Variants in ASCC3 observed in about 807,000 individuals in gnomAD.
The protein encoded by ASCC3 is activating signal cointegrator 1 complex subunit 3, also known as ASC-1 complex subunit P200.
Under a neutral mutation model 256.3 loss-of-function variants are expected in ASCC3, and 158 were observed. That is an observed-to-expected ratio of 0.62 (90% CI 0.54 to 0.70). The LOEUF (loss-of-function observed/expected upper bound fraction) is 0.70. ASCC3 is among the 30% of genes least tolerant of loss of function. The pLI is 0.00. For synonymous variants in ASCC3, 948 were observed against 883.4 expected, an observed-to-expected ratio of 1.07 and a Z score of -1.30; for missense variants, 2,259 against 2,626.0, an observed-to-expected ratio of 0.86 and a Z score of 3.05.
intron 4 of ASCC3, among the ~76,000 whole-genome samples, chr6:100,838,249 A>G (rs1346531004): frequency 6.6e-6 from 1 of 152,052 alleles, no homozygotes; most frequent in Non-Finnish European, 1.5e-5. Flanking sequence ...TTGAAAACTA[A>G]TAATATGAAG....
chr6:100,530,194 A>G (rs1221802929), intron 37 of ASCC3: 1 of 676,194 alleles, frequency 1.5e-6, no homozygotes, highest in African/African-American at 1.8e-5. Flanking sequence ...AATTAACATC[A>G]TTTTTCTTGT....
intron 10 of ASCC3, among the ~76,000 whole-genome samples, chr6:100,754,731 C>T (rs545695323): frequency 5.5e-4 from 84 of 152,250 alleles, no homozygotes; most frequent in South Asian, 1.7e-3. Flanking sequence ...TGTGTCACCA[C>T]CCAAATCTTA....
Position 100,696,740 on chromosome 6 carries a change from A to C in ASCC3, c.2152-16988T>G, listed in dbSNP as rs1222407998. Among the ~76,000 whole-genome samples the C allele has an allele frequency of 6.6e-5, 10 of 152,192 alleles. No homozygotes were observed. The East Asian group carries it at 1.7e-3, about 26-fold the overall frequency. The stretch of plus-strand genomic sequence containing the variant: ...TAAACAACAATAAATTAATTCAAAT[A>C]AATAGTATAAAATAAACATGTATAC... On this transcript the variant is annotated intron_variant, in intron 13 of 41. Coordinates refer to ENST00000369162, the MANE Select transcript of ASCC3 (RefSeq NM_006828.4).
chr6:100,572,732 C>G (rs1319443621), intron 36 of ASCC3, among the ~76,000 whole-genome samples: 1 of 151,980 alleles, frequency 6.6e-6, no homozygotes, highest in Non-Finnish European at 1.5e-5. Flanking sequence ...TCTGTGTTAA[C>G]ATAGTTGTTG....
rs769237704 is a variant in ASCC3, at chr6:100,629,137, A to C, written c.4253T>G (p.Ile1418Ser). The part of the protein sequence containing the change: ...TGDVTPDMKS[I>S]AKADLIVTTP... ...AGTGACGATAAGGTCAGCCTTGGCAATGGATTTCATATCAGGAGTCACATC... is the reference window on the plus strand; with the variant it reads ...AGTGACGATAAGGTCAGCCTTGGCACTGGATTTCATATCAGGAGTCACATC... The change falls in exon 27 of 42, where the codon ATT becomes AGT. Residue 1418 changes from isoleucine to serine, a missense_variant. This residue lies in a region of ASCC3 where 1,839 missense variants were observed against 2,206.7 expected (regional missense o/e 0.83). Coordinates refer to ENST00000369162, the MANE Select transcript of ASCC3 (RefSeq NM_006828.4). The C allele has an allele frequency of 6.8e-6, 11 of 1,613,786 alleles. No individual in the cohort carries two copies. The South Asian group carries it at 1.2e-4, about 18-fold the overall frequency.
chr6:100,746,491 A>G (rs570229591), intron 10 of ASCC3, among the ~76,000 whole-genome samples: 41 of 152,292 alleles, frequency 2.7e-4, no homozygotes, highest in African/African-American at 9.6e-4. Context: ...ATTTTTTCCT[A>G]CTTTCTAAAA....
chr6:100,816,401 C>T (rs1417301906), intron 4 of ASCC3, among the ~76,000 whole-genome samples: 4 of 152,010 alleles, frequency 2.6e-5, no homozygotes, highest in African/African-American at 9.7e-5. Flanking sequence ...AGCAATTCTA[C>T]TACTGGGTAT....
chr6:100,729,560 T>G (rs1779802924), intron 10 of ASCC3, among the ~76,000 whole-genome samples: 1 of 152,180 alleles, frequency 6.6e-6, no homozygotes, highest in Non-Finnish European at 1.5e-5. Flanking sequence ...ATATCTGGCT[T>G]AAGACACAAA....
At chr6:100,568,806 C>T (rs1039033283) in intron 36 of ASCC3, among the ~76,000 whole-genome samples, 24 of 149,914 alleles carry the variant, frequency 1.6e-4, no homozygotes, top group Admixed American at 1.3e-3. Flanking sequence ...GAGACAGAGT[C>T]TCCCTCTGTC....
At chr6:100,817,351 A>G (rs1770803226) in intron 4 of ASCC3, among the ~76,000 whole-genome samples, 2 of 151,740 alleles carry the variant, frequency 1.3e-5, no homozygotes, top group Admixed American at 1.3e-4. Context: ...CCAATAACCT[A>G]TCAACCTTAA....
At chr6:100,542,120 C>T (rs1157323482) in intron 36 of ASCC3, among the ~76,000 whole-genome samples, 1 of 152,098 alleles carries the variant, frequency 6.6e-6, no homozygotes, top group East Asian at 1.9e-4. Context: ...AAGATATAGT[C>T]ACTGGAAAAG....
chr6:100,605,759 T>C, intron 32 of ASCC3, 59 bp from the exon 33 acceptor site: 1 of 1,550,106 alleles, frequency 6.5e-7, no homozygotes, highest in Non-Finnish European at 8.9e-7. Context: ...AAGGTATATT[T>C]ACTGATTATG....
At position 100,631,133 on chromosome 6, in the gene ASCC3, A is replaced by G. The variant is rs1179566469; in HGVS notation, c.4203T>C (p.Gly1401=). The part of the protein sequence containing the change: ...DWKVRIEEKL[G]KKVIELTGDV... ...GAGTAAAAGTAAGAACTTACTTTTT[A>G]CCAAGTTTTTCTTCTATTCTAACTT... The change falls in exon 26 of 42, where the codon GGT becomes GGC. Residue 1401 remains glycine, a synonymous_variant. Transcript: ENST00000369162. The G allele has an allele frequency of 6.2e-7, 1 of 1,607,602 alleles. No homozygotes were observed. Among genetic ancestry groups the G allele is most frequent in the African/African-American group, 1.3e-5 (1 of 74,792 alleles).
intron 36 of ASCC3, among the ~76,000 whole-genome samples, chr6:100,543,868 T>C (rs1775582330): frequency 6.6e-6 from 1 of 152,114 alleles, no homozygotes; most frequent in South Asian, 2.1e-4. Context: ...TTGATTGACA[T>C]TTATAAAACA....
chr6:100,605,766 T>C, intron 32 of ASCC3, 66 bp from the exon 33 acceptor site: 11 of 1,529,018 alleles, frequency 7.2e-6, no homozygotes, highest in Non-Finnish European at 9.9e-6. Flanking sequence ...ATTTACTGAT[T>C]ATGGCATGCT....
At chr6:100,715,436 T>C in intron 13 of ASCC3, 26 bp downstream of exon 13, 1 of 1,578,544 alleles carries the variant, frequency 6.3e-7, no homozygotes, top group Non-Finnish European at 8.7e-7. Context: ...GATAAATAAG[T>C]GTAAAAGCAG....
intron 11 of ASCC3, among the ~76,000 whole-genome samples, chr6:100,722,465 GAAAGA>G (rs1401001064): frequency 6.6e-6 from 1 of 151,526 alleles, no homozygotes; most frequent in Non-Finnish European, 1.5e-5. Flanking sequence ...AATTGAAAAA[GAAAGA>G]AAAGAAACCA....
chr6:100,721,147 C>T (rs1779310021), intron 11 of ASCC3, among the ~76,000 whole-genome samples: 1 of 151,352 alleles, frequency 6.6e-6, no homozygotes, highest in South Asian at 2.1e-4. Flanking sequence ...TCTTTTTCTA[C>T]TGGGGATGCT....
intron 19 of ASCC3, among the ~76,000 whole-genome samples, chr6:100,651,071 G>A (rs571664699): frequency 9.3e-5 from 14 of 151,296 alleles, no homozygotes; most frequent in African/African-American, 3.2e-4. Flanking sequence ...CTGGATTAGG[G>A]CAACTTGAAT....
Sources: gnomAD v4.1 joint callset for allele counts (sites outside exome capture counted in the v4.1 genomes callset) on GRCh38, gnomAD v4.1.1 for gene constraint, gnomAD v4.1.1 regional missense constraint, MANE v1.5 for transcripts, NCBI Gene and HGNC (gene_info 2026-07-23, HGNC 2026-07-21) for gene names.